CDIPT: variants seen among roughly 807,000 people sequenced by gnomAD.
CDIPT encodes the protein CDP-diacylglycerol--inositol 3-phosphatidyltransferase.
CDIPT carries 17 observed loss-of-function variants against 21.6 expected under a neutral mutation model. The observed-to-expected ratio is 0.79, with a 90% CI of 0.54 to 1.18. CDIPT has a LOEUF of 1.18. CDIPT is among the 50% of genes most tolerant of loss of function. The pLI is 0.00. For synonymous variants in CDIPT, 119 were observed against 117.9 expected, an observed-to-expected ratio of 1.01 and a Z score of -0.06; for missense variants, 254 against 284.9, an observed-to-expected ratio of 0.89 and a Z score of 0.78.
At chr16:29,860,279 C>T (rs1258996574) in intron 4 of CDIPT, among the ~76,000 whole-genome samples, 3 of 152,206 alleles carry the variant, frequency 2.0e-5, no homozygotes, top group Non-Finnish European at 4.4e-5. Context: ...CTTCCAGAGG[C>T]TGCCTGTGTT....
At chr16:29,861,280 G>C (rs778083791) in intron 2 of CDIPT, 21 bp from the exon 3 acceptor site, 230 of 1,613,830 alleles carry the variant, frequency 1.4e-4, no homozygotes, top group Non-Finnish European at 4.1e-5. Context: ...AGGTGGGCAA[G>C]GGCTGTTATG....
At chr16:29,861,006 C>T in intron 3 of CDIPT, 100 bp downstream of exon 3, 1 of 1,223,038 alleles carries the variant, frequency 8.2e-7, no homozygotes, top group African/African-American at 1.5e-5. Context: ...AGGAGCCCTT[C>T]CAGGATGCCT....
At position 29,863,004 on chromosome 16, in the gene CDIPT, G is replaced by A; in HGVS notation, c.-147C>T. The A allele has an allele frequency of 1.1e-6, 1 of 915,858 alleles. No individual in the cohort carries two copies. Among genetic ancestry groups the A allele is most frequent in the Non-Finnish European group, 1.8e-6 (1 of 569,366 alleles). The allele number at this position is 915,858 out of a possible 1,614,324, so 56.7% of individuals were successfully genotyped here. On this transcript the variant is annotated 5_prime_UTR_variant, in exon 1 of 6. Coordinates refer to ENST00000219789, the MANE Select transcript of CDIPT (RefSeq NM_006319.5). Reference sequence around the variant, plus strand: ...CCGCCCCAACCTGGCCCCAGATGCTGAAGCCCGCAGCCGTCGGGAGCATGG... The same window carrying A: ...CCGCCCCAACCTGGCCCCAGATGCTAAAGCCCGCAGCCGTCGGGAGCATGG...
At position 29,862,970 on chromosome 16, in the gene CDIPT, T is replaced by C; in HGVS notation, c.-113A>G. On this transcript the variant is annotated 5_prime_UTR_variant, in exon 1 of 6. Transcript: ENST00000219789. The surrounding 1 kb of genome is among the most constrained non-coding windows in gnomAD (Gnocchi z 6.7). The stretch of plus-strand genomic sequence containing the variant: ...CGCATCGGCCGCACCACCTGCGCCC[T>C]GGACCCCGCCGCCCCAACCTGGCCC... 2 of 1,235,964 alleles carry C rather than the reference T, an allele frequency of 1.6e-6. No homozygotes were observed. The highest frequency in any genetic ancestry group is 2.4e-6 in the Non-Finnish European group (2 of 846,916). 76.6% of individuals were successfully genotyped at this position (1,235,964 alleles called of 1,614,324 possible).
Position 29,859,619 on chromosome 16 carries a change from C to T in CDIPT, c.415-96G>A, listed in dbSNP as rs2067663766. 2.6e-6 allele frequency: 2 copies of T among 781,568 alleles called. No individual in the cohort carries two copies. Among genetic ancestry groups the T allele is most frequent in the Non-Finnish European group, 2.2e-6 (1 of 457,298 alleles). The allele number at this position is 781,568 out of a possible 1,614,324, so 48.4% of individuals were successfully genotyped here. A position where few individuals can be genotyped will look rare whatever the true frequency, so the allele number is the denominator to read the frequency against. ...ATGAAGGCACAATCTCGGCATATTA[C>T]TTCTCTTATTTTTTTTTCTTTTTTA... On this transcript the variant is annotated intron_variant, in intron 4 of 5. Coordinates refer to ENST00000219789, the MANE Select transcript of CDIPT (RefSeq NM_006319.5). The surrounding 1 kb of genome is among the most constrained non-coding windows in gnomAD (Gnocchi z 4.5).
chr16:29,858,451 G>T lies in CDIPT; in HGVS notation c.*738C>A, dbSNP rs1172507384. 5.3e-5 allele frequency: 8 copies of T among 152,152 alleles called. No individual in the cohort carries two copies. Among genetic ancestry groups the T allele is most frequent in the Non-Finnish European group, 8.8e-5 (6 of 68,044 alleles). 9.4% of individuals were successfully genotyped at this position (152,152 alleles called of 1,614,324 possible). A position where few individuals can be genotyped will look rare whatever the true frequency, so the allele number is the denominator to read the frequency against. On this transcript the variant is annotated 3_prime_UTR_variant, in exon 6 of 6. Coordinates refer to ENST00000219789, the MANE Select transcript of CDIPT (RefSeq NM_006319.5). ...AGAGAAGAGAACAAGAAAAGTCTGTGCCTTCATGGAGTTTACATTCTAGTG... is the reference window on the plus strand; with the variant it reads ...AGAGAAGAGAACAAGAAAAGTCTGTTCCTTCATGGAGTTTACATTCTAGTG...
chr16:29,860,477 G>A, intron 4 of CDIPT, 104 bp downstream of exon 4: 10 of 741,492 alleles, frequency 1.3e-5, no homozygotes. Context: ...GACTGGGCAG[G>A]CCCTGCTCTG....
Position 29,862,175 on chromosome 16 carries a change from G to A in CDIPT, c.178+411C>T, listed in dbSNP as rs1333269457. Among the ~76,000 whole-genome samples the A allele has an allele frequency of 6.6e-6, 1 of 152,164 alleles. No individual in the cohort carries two copies. The highest frequency in any genetic ancestry group is 1.5e-5 in the Non-Finnish European group (1 of 68,018). ...AAATCAGTCCATTCTTGCTGGGCGC[G>A]GCACTTTGGGAGCAAGGCAGGAGGA... On this transcript the variant is annotated intron_variant, in intron 2 of 5. Transcript: ENST00000219789. This position sits in a 1 kb window ranked among gnomAD's most constrained non-coding sequence, Gnocchi z 6.7.
chr16:29,861,387 G>C (rs772080905), intron 2 of CDIPT, 128 bp from the exon 3 acceptor site: 2 of 1,549,716 alleles, frequency 1.3e-6, no homozygotes, highest in East Asian at 2.4e-5. Flanking sequence ...GGGGAGGAAC[G>C]CAGGCTAGAA....
Position 29,859,216 on chromosome 16 carries a change from G to C in CDIPT, c.615C>G (p.Asp205Glu), listed in dbSNP as rs149875208. 1.3e-6 allele frequency: 2 copies of C among 1,597,262 alleles called. No individual in the cohort carries two copies. Among genetic ancestry groups the C allele is most frequent in the South Asian group, 2.3e-5 (2 of 88,100 alleles). ...ACTTCTTCTTGGCGCGGTCTGCTGC[G>C]TCCAGGGCAGCCATGTTGCGGGCGG... ...ITAARNMAALDAADRAKKK is the reference protein window; with the variant it reads ...ITAARNMAALEAADRAKKK The change falls in exon 6 of 6, where the codon GAC becomes GAG. Residue 205 changes from aspartate to glutamate, a missense_variant. Physicochemically the swap from Asp to Glu is conservative, Grantham distance 45. Transcript: ENST00000219789. This position sits in a 1 kb window ranked among gnomAD's most constrained non-coding sequence, Gnocchi z 4.5.
Position 29,861,120 on chromosome 16 carries a change from C to G in CDIPT, c.318G>C (p.Trp106Cys). 6.2e-7 allele frequency: 1 copy of G among 1,614,118 alleles called. No homozygotes were observed. Among genetic ancestry groups the G allele is most frequent in the East Asian group, 2.2e-5 (1 of 44,872 alleles). Residue 106 changes from tryptophan (W) to cysteine (C), a missense_variant, in exon 3 of 6, where the codon TGG becomes TGC. Physicochemically the swap from Trp to Cys is radical, Grantham distance 215 (BLOSUM62 -2). Transcript: ENST00000219789. ...ISMSLDVASH[W>C]LHLHSSVVRG... ...TCGCAGCAGACCTGTGGAGGTGCAG[C>G]CAGTGACTGGCCACATCCAAACTCA...
intron 4 of CDIPT, 51 bp downstream of exon 4, chr16:29,860,530 G>A (rs1423026966): frequency 2.5e-6 from 3 of 1,224,250 alleles, no homozygotes; most frequent in Middle Eastern, 2.0e-4. Context: ...TTCAGCCCAG[G>A]GCTTCCCACA....
chr16:29,859,329 A>G lies in CDIPT; in HGVS notation c.502T>C (p.Ser168Pro). 1 of 1,564,628 alleles carries G rather than the reference A, an allele frequency of 6.4e-7. No individual in the cohort carries two copies. ...FHFSEGPLVG[S>P]VGLFRMGLWV... The stretch of plus-strand genomic sequence containing the variant: ...AGGCCCATCCGGAACAGTCCCACAG[A>G]GCCAACTGCAGGAAGGCAGCAGGGG... The change falls in exon 6 of 6, where the codon TCT (serine) becomes CCT (proline). Residue 168 changes from serine to proline, a missense_variant. By Grantham distance (74) the Ser-to-Pro change is moderately conservative. Transcript: ENST00000219789. This position sits in a 1 kb window ranked among gnomAD's most constrained non-coding sequence, Gnocchi z 4.5.
In CDIPT at chr16:29,859,415, C is replaced by T. The variant is rs374879276; in HGVS notation, c.496+27G>A. Reference sequence around the variant, plus strand: ...TGGGCAGGCCAGATCCCCCTCCCATCCTCCTGCCCAGCCCCTCATCTCCTA... The same window carrying T: ...TGGGCAGGCCAGATCCCCCTCCCATTCTCCTGCCCAGCCCCTCATCTCCTA... On this transcript the variant is annotated intron_variant, in intron 5 of 5. Transcript: ENST00000219789. The surrounding 1 kb of genome is among the most constrained non-coding windows in gnomAD (Gnocchi z 4.5). The T allele has an allele frequency of 1.1e-4, 170 of 1,605,090 alleles. No individual in the cohort carries two copies. The highest frequency in any genetic ancestry group is 1.4e-4 in the Non-Finnish European group (164 of 1,174,012).
chr16:29,860,532 C>A lies in CDIPT; in HGVS notation c.414+49G>T, dbSNP rs372533371. On this transcript the variant is annotated intron_variant, in intron 4 of 5. Transcript: ENST00000219789. ...GCTAGGACCAGGATTCAGCCCAGGG[C>A]TTCCCACAGCCAAGAGCCTGAGGGG... The A allele has an allele frequency of 2.4e-6, 3 of 1,249,130 alleles. No homozygotes were observed. The African/African-American group carries it at 4.4e-5, about 18-fold the overall frequency. 77.4% of individuals were successfully genotyped at this position (1,249,130 alleles called of 1,614,324 possible). A position where few individuals can be genotyped will look rare whatever the true frequency, so the allele number is the denominator to read the frequency against.
Position 29,859,420 on chromosome 16 carries a change from T to C in CDIPT, c.496+22A>G. On this transcript the variant is annotated intron_variant, in intron 5 of 5. Transcript: ENST00000219789. This position sits in a 1 kb window ranked among gnomAD's most constrained non-coding sequence, Gnocchi z 4.5. ...AGGCCAGATCCCCCTCCCATCCTCC[T>C]GCCCAGCCCCTCATCTCCTACCTAA... 2 of 1,608,398 alleles carry C rather than the reference T, an allele frequency of 1.2e-6. No homozygotes were observed. The highest frequency in any genetic ancestry group is 1.7e-6 in the Non-Finnish European group (2 of 1,176,304).
At position 29,862,934 on chromosome 16, in the gene CDIPT, C is replaced by T; in HGVS notation, c.-77G>A. 6.4e-7 allele frequency: 1 copy of T among 1,559,818 alleles called. No individual in the cohort carries two copies. Among genetic ancestry groups the T allele is most frequent in the Non-Finnish European group, 8.8e-7 (1 of 1,133,870 alleles). Reference sequence around the variant, plus strand: ...CCCAGCCCCGCAGCGCGGCCTCAGCCTCCGGCCCGGCGCATCGGCCGCACC... The same window carrying T: ...CCCAGCCCCGCAGCGCGGCCTCAGCTTCCGGCCCGGCGCATCGGCCGCACC... On this transcript the variant is annotated 5_prime_UTR_variant, in exon 1 of 6. Transcript: ENST00000219789. The surrounding 1 kb of genome is among the most constrained non-coding windows in gnomAD (Gnocchi z 6.7).
At chr16:29,861,403 G>A in intron 2 of CDIPT, 144 bp from the exon 3 acceptor site, 1 of 1,545,950 alleles carries the variant, frequency 6.5e-7, no homozygotes, top group South Asian at 1.2e-5. Context: ...TAGAAAACAG[G>A]CTGTGTGTGA....
Position 29,862,988 on chromosome 16 carries a change from C to A in CDIPT, c.-131G>T, listed in dbSNP as rs2150769016. On this transcript the variant is annotated 5_prime_UTR_variant, in exon 1 of 6. Coordinates refer to ENST00000219789, the MANE Select transcript of CDIPT (RefSeq NM_006319.5). This position sits in a 1 kb window ranked among gnomAD's most constrained non-coding sequence, Gnocchi z 6.7. ...TGCGCCCTGGACCCCGCCGCCCCAA[C>A]CTGGCCCCAGATGCTGAAGCCCGCA... The A allele has an allele frequency of 3.7e-6, 4 of 1,069,412 alleles. No homozygotes were observed. Among genetic ancestry groups the A allele is most frequent in the Non-Finnish European group, 5.7e-6 (4 of 701,200 alleles). The allele number at this position is 1,069,412 out of a possible 1,614,324, so 66.2% of individuals were successfully genotyped here.
Sources: allele counts gnomAD v4.1 joint callset (sites outside exome capture counted in the v4.1 genomes callset), GRCh38; gene constraint gnomAD v4.1.1; non-coding constraint Gnocchi (gnomAD v3.1); transcripts MANE v1.5; gene names NCBI Gene and HGNC (gene_info 2026-07-23, HGNC 2026-07-21).